The following CRPPA variants were observed in gnomAD, a reference collection of about 807,000 sequenced individuals.
CRPPA encodes the protein CDP-L-ribitol pyrophosphorylase A, also known as D-ribitol-5-phosphate cytidylyltransferase.
In CRPPA, 43 loss-of-function variants were observed where a neutral mutation model predicts 52.0. That is an observed-to-expected ratio of 0.83 (90% CI 0.65 to 1.07). The LOEUF (loss-of-function observed/expected upper bound fraction) is 1.07. CRPPA is among the 50% of genes least tolerant of loss of function. The pLI is 0.00. For missense variants in CRPPA, 629 were observed against 551.7 expected (o/e 1.14, Z -1.40); for synonymous variants, 250 against 203.5 (o/e 1.23, Z -1.94).
chr7:16,190,646 G>C (rs561919777), intron 9 of CRPPA, among the ~76,000 whole-genome samples: 119 of 152,098 alleles, frequency 7.8e-4, no homozygotes, highest in African/African-American at 2.7e-3. Flanking sequence ...ATTTTTTGCA[G>C]AACAGGTGGT....
In CRPPA at chr7:16,200,605, A is replaced by G. The variant is rs547453962; in HGVS notation, c.1251+15461T>C. On this transcript the variant is annotated intron_variant, in intron 9 of 9. Transcript: ENST00000407010. The stretch of plus-strand genomic sequence containing the variant: ...TTAGACATATAATTAATCAAGCTGC[A>G]GCTACCTTATAATGTTTTAATATTT... Among the ~76,000 whole-genome samples the G allele has an allele frequency of 9.8e-5, 15 of 152,376 alleles. No individual in the cohort carries two copies. In the East Asian group the frequency reaches 2.7e-3, roughly 27 times the overall value.
At chr7:16,211,372 C>T (rs945833161) in intron 9 of CRPPA, among the ~76,000 whole-genome samples, 1 of 152,092 alleles carries the variant, frequency 6.6e-6, no homozygotes, top group African/African-American at 2.4e-5. Flanking sequence ...CATAAACATT[C>T]CCACATCAAA....
chr7:16,162,257 A>C (rs1780915613), intron 9 of CRPPA, among the ~76,000 whole-genome samples: 2 of 151,946 alleles, frequency 1.3e-5, no homozygotes, highest in South Asian at 4.2e-4. Context: ...TAGTTCTTTT[A>C]ATTGTGATAT....
At chr7:16,168,552 C>T (rs1001311294) in intron 9 of CRPPA, among the ~76,000 whole-genome samples, 8 of 151,444 alleles carry the variant, frequency 5.3e-5, no homozygotes, top group Non-Finnish European at 1.2e-4. Context: ...CACACACACA[C>T]ACACACACAC....
chr7:16,414,248 C>T (rs1241955043), intron 1 of CRPPA, among the ~76,000 whole-genome samples: 1 of 152,024 alleles, frequency 6.6e-6, no homozygotes, highest in Non-Finnish European at 1.5e-5. Flanking sequence ...ATCACCAAGT[C>T]TGAATAAGCA....
chr7:16,406,731 G>A (rs1277300855), intron 1 of CRPPA, among the ~76,000 whole-genome samples: 1 of 152,166 alleles, frequency 6.6e-6, no homozygotes, highest in Non-Finnish European at 1.5e-5. Context: ...ACAATTGAAA[G>A]CACTTTTGAG....
At chr7:16,343,537 T>C (rs1342639368) in intron 3 of CRPPA, among the ~76,000 whole-genome samples, 3 of 152,218 alleles carry the variant, frequency 2.0e-5, no homozygotes. Flanking sequence ...TATATGTTTT[T>C]AGTTGATCTG....
intron 2 of CRPPA, among the ~76,000 whole-genome samples, chr7:16,405,666 T>C (rs1046057388): frequency 1.3e-5 from 2 of 152,204 alleles, no homozygotes; most frequent in African/African-American, 2.4e-5. Context: ...TTATATAGTA[T>C]ATACTAGAAA....
At chr7:16,348,406 T>A (rs771820288) in intron 3 of CRPPA, among the ~76,000 whole-genome samples, 8 of 152,096 alleles carry the variant, frequency 5.3e-5, no homozygotes, top group Non-Finnish European at 8.8e-5. Context: ...GAGAAAGGGC[T>A]CAAAAACTGC....
chr7:16,358,703 G>C (rs761390185), intron 3 of CRPPA, among the ~76,000 whole-genome samples: 6 of 152,106 alleles, frequency 3.9e-5, no homozygotes, highest in Non-Finnish European at 8.8e-5. Context: ...CAAATGTACA[G>C]GTATCTTGGC....
intron 9 of CRPPA, among the ~76,000 whole-genome samples, chr7:16,137,950 T>C (rs1782792736): frequency 6.6e-6 from 1 of 152,188 alleles, no homozygotes; most frequent in South Asian, 2.1e-4. Flanking sequence ...AAACTAGTAA[T>C]GCTTCATTAA....
intron 9 of CRPPA, among the ~76,000 whole-genome samples, chr7:16,211,139 G>A (rs1782124243): frequency 6.6e-6 from 1 of 152,172 alleles, no homozygotes; most frequent in Admixed American, 6.5e-5. Flanking sequence ...CAGAAGGTGT[G>A]TGTTTAATAT....
At chr7:16,398,030 G>A (rs1207912653) in intron 2 of CRPPA, among the ~76,000 whole-genome samples, 2 of 152,200 alleles carry the variant, frequency 1.3e-5, no homozygotes, top group Non-Finnish European at 2.9e-5. Flanking sequence ...TGATCAACAC[G>A]TAATCAACAT....
Position 16,171,538 on chromosome 7 carries a change from G to A in CRPPA, c.1251+44528C>T, listed in dbSNP as rs138271761. Among the ~76,000 whole-genome samples, 676 of 152,074 alleles carry A rather than the reference G, an allele frequency of 4.4e-3. 2 individuals carry two copies. Among genetic ancestry groups the A allele is most frequent in the Non-Finnish European group, 7.1e-3 (484 of 67,994 alleles). On this transcript the variant is annotated intron_variant, in intron 9 of 9. Transcript: ENST00000407010. ...TCCCAGCACTTTGGGAGGCCAAGGC[G>A]GGTGGATCACGAGGTCAGGAAATCG...
intron 6 of CRPPA, among the ~76,000 whole-genome samples, chr7:16,268,631 G>T (rs566727020): frequency 6.6e-6 from 1 of 151,984 alleles, no homozygotes; most frequent in Admixed American, 6.5e-5. Flanking sequence ...ACAAAAACTC[G>T]ATCATGTGAC....
intron 4 of CRPPA, among the ~76,000 whole-genome samples, chr7:16,303,503 A>AAAAAAAAAAAAAAAAAAAT (rs1784839793): frequency 7.2e-6 from 1 of 138,130 alleles, no homozygotes; most frequent in African/African-American, 2.6e-5. Flanking sequence ...AAAAAAAAAA[A>AAAAAAAAAAAAAAAAAAAT]CTTTCAGAAC....
intron 3 of CRPPA, among the ~76,000 whole-genome samples, chr7:16,353,176 G>A (rs1786202362): frequency 6.6e-6 from 1 of 151,528 alleles, no homozygotes; most frequent in South Asian, 2.1e-4. Flanking sequence ...GACAATATAG[G>A]GAGACCCTGT....
chr7:16,261,358 G>T (rs925438895), intron 6 of CRPPA, among the ~76,000 whole-genome samples: 1 of 152,050 alleles, frequency 6.6e-6, no homozygotes. Context: ...ACTTCCTTCT[G>T]TGAGAGAAGG....
At chr7:16,134,554 T>C (rs1415575559) in intron 9 of CRPPA, among the ~76,000 whole-genome samples, 1 of 152,222 alleles carries the variant, frequency 6.6e-6, no homozygotes, top group East Asian at 1.9e-4. Flanking sequence ...AGTAGTCAAG[T>C]TTTTGGAGAG....
Sources: allele counts gnomAD v4.1 joint callset (sites outside exome capture counted in the v4.1 genomes callset), GRCh38; gene constraint gnomAD v4.1.1; transcripts MANE v1.5; gene names NCBI Gene and HGNC (gene_info 2026-07-23, HGNC 2026-07-21).